EVI5: variants seen among roughly 807,000 people sequenced by gnomAD.
EVI5 encodes the protein ecotropic viral integration site 5.
Under a neutral mutation model 112.0 loss-of-function variants are expected in EVI5, and 73 were observed. That is an observed-to-expected ratio of 0.65 (90% CI 0.54 to 0.79). The LOEUF (loss-of-function observed/expected upper bound fraction) is 0.79. EVI5 is among the 30% of genes least tolerant of loss of function. EVI5 has a pLI of 0.00. For missense variants in EVI5, 900 were observed against 968.8 expected (o/e 0.93, Z 0.94); for synonymous variants, 305 against 319.9 (o/e 0.95, Z 0.50).
At chr1:92,582,205 A>C (rs1309703088) in intron 18 of EVI5, among the ~76,000 whole-genome samples, 1 of 152,210 alleles carries the variant, frequency 6.6e-6, no homozygotes, top group African/African-American at 2.4e-5. Flanking sequence ...TTGTGTGTCT[A>C]AATATTTAAA....
chr1:92,549,355 A>C (rs1381745601), intron 19 of EVI5, among the ~76,000 whole-genome samples: 1 of 152,114 alleles, frequency 6.6e-6, no homozygotes, highest in Admixed American at 6.6e-5. Context: ...ATTCAAGATG[A>C]ATTAAAGACT....
At chr1:92,536,710 G>A (rs1055585860) in intron 19 of EVI5, among the ~76,000 whole-genome samples, 2 of 152,240 alleles carry the variant, frequency 1.3e-5, no homozygotes, top group African/African-American at 4.8e-5. Flanking sequence ...TTAAATGTAG[G>A]TTCTTTATAA....
At chr1:92,788,601 C>A (rs767164962), upstream of EVI5, among the ~76,000 whole-genome samples, 3 of 152,046 alleles carry the variant, frequency 2.0e-5, no homozygotes, top group Non-Finnish European at 2.9e-5. Flanking sequence ...CAAGACCAAC[C>A]TGGCCAACAT....
intron 1 of EVI5, among the ~76,000 whole-genome samples, chr1:92,750,381 AAACT>A (rs1266575328): frequency 2.0e-5 from 3 of 152,212 alleles, no homozygotes; most frequent in Non-Finnish European, 2.9e-5. Context: ...TTGCTTTACC[AAACT>A]AAGTCATCTT....
chr1:92,629,801 T>C (rs1187112918), intron 14 of EVI5, among the ~76,000 whole-genome samples: 2 of 151,554 alleles, frequency 1.3e-5, no homozygotes, highest in African/African-American at 4.9e-5. Flanking sequence ...TATCTCCTAA[T>C]GCTATCCCTC....
At chr1:92,730,096 T>C (rs917676204) in intron 2 of EVI5, among the ~76,000 whole-genome samples, 5 of 152,158 alleles carry the variant, frequency 3.3e-5, no homozygotes, top group Non-Finnish European at 5.9e-5. Context: ...TCAAGTGCAA[T>C]AGCTAATGCC....
chr1:92,573,384 T>C (rs189389224), intron 18 of EVI5, among the ~76,000 whole-genome samples: 16 of 152,132 alleles, frequency 1.1e-4, no homozygotes, highest in African/African-American at 3.9e-4. Context: ...CAAAATTCTA[T>C]GTATATGCTA....
At chr1:92,640,849 A>C (rs1016643653) in intron 13 of EVI5, among the ~76,000 whole-genome samples, 1 of 152,224 alleles carries the variant, frequency 6.6e-6, no homozygotes, top group Non-Finnish European at 1.5e-5. Flanking sequence ...TCAATGATAG[A>C]CTAGATTAAG....
intron 10 of EVI5, among the ~76,000 whole-genome samples, chr1:92,676,036 A>AG (rs1246647045): frequency 8.0e-5 from 12 of 150,650 alleles, no homozygotes; most frequent in Admixed American, 2.6e-4. Context: ...AAAAAAAAAA[A>AG]GGAAGGAAAA....
At chr1:92,724,082 A>G (rs1456894883) in intron 2 of EVI5, among the ~76,000 whole-genome samples, 1 of 152,126 alleles carries the variant, frequency 6.6e-6, no homozygotes, top group Non-Finnish European at 1.5e-5. Flanking sequence ...CCTCATCAGT[A>G]ATTCTAATTT....
chr1:92,617,617 T>C (rs2095267), intron 16 of EVI5, among the ~76,000 whole-genome samples: 140,282 of 152,260 alleles, frequency 0.92, 64,712 homozygotes, highest in East Asian at 0.97. Flanking sequence ...GCAACATGGA[T>C]TTCCACTCAC....
intron 13 of EVI5, among the ~76,000 whole-genome samples, chr1:92,646,792 T>C (rs1416823062): frequency 6.6e-6 from 1 of 152,210 alleles, no homozygotes; most frequent in Non-Finnish European, 1.5e-5. Context: ...GATTATCTTT[T>C]CGTTTTGGGG....
chr1:92,721,505 C>T (rs1674750344), intron 2 of EVI5, among the ~76,000 whole-genome samples: 1 of 152,092 alleles, frequency 6.6e-6, no homozygotes, highest in African/African-American at 2.4e-5. Flanking sequence ...GGGAGGGAAA[C>T]ATCACACCCT....
chr1:92,616,790 G>C (rs1047463830), intron 16 of EVI5, among the ~76,000 whole-genome samples: 1 of 152,084 alleles, frequency 6.6e-6, no homozygotes, highest in Admixed American at 6.5e-5. Context: ...GTCATGAAGT[G>C]ACTATGGGTC....
At chr1:92,588,539 CT>C (rs1673173952) in intron 18 of EVI5, among the ~76,000 whole-genome samples, 1 of 152,218 alleles carries the variant, frequency 6.6e-6, no homozygotes, top group Non-Finnish European at 1.5e-5. Flanking sequence ...TCCTCCATCC[CT>C]AATACCAATA....
chr1:92,554,857 T>A (rs779946574), intron 19 of EVI5, among the ~76,000 whole-genome samples: 34 of 152,136 alleles, frequency 2.2e-4, no homozygotes, highest in Admixed American at 7.2e-4. Flanking sequence ...CTCGCACACC[T>A]GTAGTCCCAG....
At chr1:92,601,081 T>C (rs1037202168) in intron 18 of EVI5, among the ~76,000 whole-genome samples, 18 of 152,200 alleles carry the variant, frequency 1.2e-4, no homozygotes, top group Non-Finnish European at 2.2e-4. Flanking sequence ...GCAATAAGCA[T>C]GAGCAGGCAA....
intron 14 of EVI5, among the ~76,000 whole-genome samples, chr1:92,630,410 G>C (rs1656748054): frequency 6.6e-6 from 1 of 152,130 alleles, no homozygotes; most frequent in African/African-American, 2.4e-5. Flanking sequence ...GCATTTCTCT[G>C]ATGGCCAGTG....
chr1:92,770,977 G>A (rs1195063614), intron 1 of EVI5, among the ~76,000 whole-genome samples: 11 of 151,270 alleles, frequency 7.3e-5, no homozygotes, highest in Middle Eastern at 3.4e-3. Context: ...CACCACTCCC[G>A]GCTAATTTTT....
Sources: gnomAD v4.1 joint callset for allele counts (sites outside exome capture counted in the v4.1 genomes callset) on GRCh38, gnomAD v4.1.1 for gene constraint, MANE v1.5 for transcripts, NCBI Gene and HGNC (gene_info 2026-07-23, HGNC 2026-07-21) for gene names.